Variants in PPIL6 observed in about 807,000 individuals in gnomAD.
PPIL6 encodes probable inactive peptidyl-prolyl cis-trans isomerase-like 6.
Under a neutral mutation model 36.8 loss-of-function variants are expected in PPIL6, and 39 were observed. The observed-to-expected ratio is 1.06, with a 90% CI of 0.82 to 1.38. PPIL6 has a LOEUF of 1.38. Ranked by LOEUF, PPIL6 falls within the 40% of genes most tolerant of loss-of-function variation. The probability of loss-of-function intolerance (pLI) is 0.00; values close to 1 mark genes in which losing one functional copy is unlikely to be tolerated. For missense variants in PPIL6, 368 were observed against 379.1 expected (o/e 0.97, Z 0.24); for synonymous variants, 123 against 134.1 (o/e 0.92, Z 0.57).
chr6:109,424,844 G>T (rs117763070), intron 5 of PPIL6, among the ~76,000 whole-genome samples: 58 of 152,296 alleles, frequency 3.8e-4, no homozygotes, highest in Non-Finnish European at 6.8e-4. Flanking sequence ...GTCTGAAAAA[G>T]GGAAGCATGA....
At chr6:109,393,993 C>T (rs1219992289) in intron 7 of PPIL6, among the ~76,000 whole-genome samples, 1 of 152,206 alleles carries the variant, frequency 6.6e-6, no homozygotes, top group Non-Finnish European at 1.5e-5. Context: ...TGCTTGTGCT[C>T]AGGCTCAGTG....
At chr6:109,422,639 G>A (rs767239803) in intron 5 of PPIL6, among the ~76,000 whole-genome samples, 3 of 151,946 alleles carry the variant, frequency 2.0e-5, no homozygotes, top group African/African-American at 4.8e-5. Flanking sequence ...TCCATTCAAA[G>A]TCACATAATA....
intron 5 of PPIL6, among the ~76,000 whole-genome samples, chr6:109,422,220 G>A (rs1314952017): frequency 3.3e-5 from 5 of 152,176 alleles, no homozygotes; most frequent in Admixed American, 6.5e-5. Flanking sequence ...GCATGTGCCC[G>A]TAATCCCTGC....
intron 5 of PPIL6, 69 bp from the exon 6 acceptor site, chr6:109,419,312 GA>G: frequency 9.1e-7 from 1 of 1,104,048 alleles, no homozygotes; most frequent in Non-Finnish European, 1.4e-6. Context: ...TAATGACAGG[GA>G]AAAAATTTTG....
At chr6:109,421,006 G>A (rs909187751) in intron 5 of PPIL6, among the ~76,000 whole-genome samples, 9 of 152,264 alleles carry the variant, frequency 5.9e-5, no homozygotes, top group South Asian at 4.1e-4. Flanking sequence ...GGCTGAATCT[G>A]GAAATGGGGA....
chr6:109,406,410 T>A (rs1246399048), intron 6 of PPIL6, among the ~76,000 whole-genome samples: 1 of 152,124 alleles, frequency 6.6e-6, no homozygotes, highest in African/African-American at 2.4e-5. Context: ...TGACTGTATT[T>A]CTTGCAAATC....
intron 5 of PPIL6, among the ~76,000 whole-genome samples, chr6:109,426,603 C>T (rs1773825442): frequency 6.6e-6 from 1 of 152,050 alleles, no homozygotes; most frequent in Admixed American, 6.6e-5. Flanking sequence ...ACCCTACTCT[C>T]CTATGTCATT....
chr6:109,429,871 A>T (rs1005741905), intron 3 of PPIL6, among the ~76,000 whole-genome samples: 2 of 152,160 alleles, frequency 1.3e-5, no homozygotes, highest in Non-Finnish European at 2.9e-5. Flanking sequence ...GCCTTCGATC[A>T]ATCAGAGGAG....
At chr6:109,441,108 G>C, upstream of PPIL6, 1 of 1,614,050 alleles carries the variant, frequency 6.2e-7, no homozygotes, top group Non-Finnish European at 8.5e-7. Flanking sequence ...TAGCGCCCCT[G>C]GAGCTCCCCA....
At chr6:109,411,773 G>T (rs1026003407) in intron 6 of PPIL6, among the ~76,000 whole-genome samples, 6 of 152,232 alleles carry the variant, frequency 3.9e-5, no homozygotes, top group Admixed American at 2.0e-4. Context: ...GAGAATGAAA[G>T]TGTCCTGCCT....
At chr6:109,440,870 C>T (rs1049766814), upstream of PPIL6, 4 of 538,554 alleles carry the variant, frequency 7.4e-6, no homozygotes, top group Non-Finnish European at 1.3e-5. Context: ...CTTACCGAGC[C>T]TGGGCGCCCG....
In PPIL6 at chr6:109,390,890, C is replaced by T. The variant is rs924204345; in HGVS notation, c.*1936G>A. The stretch of plus-strand genomic sequence containing the variant: ...AAATAAAAAGTTAAAAAAGCCTACG[C>T]CTACTTTTGGCAAGCCTCATATCCA... On this transcript the variant is annotated 3_prime_UTR_variant, in exon 8 of 8. Transcript: ENST00000521072. 1 of 152,158 alleles carries T rather than the reference C, an allele frequency of 6.6e-6. No homozygotes were observed. The highest frequency in any genetic ancestry group is 2.4e-5 in the African/African-American group (1 of 41,440). The allele number at this position is 152,158 out of a possible 1,614,324, so 9.4% of individuals were successfully genotyped here. A position where few individuals can be genotyped will look rare whatever the true frequency, so the allele number is the denominator to read the frequency against.
chr6:109,394,290 T>C (rs1004796759), intron 7 of PPIL6, among the ~76,000 whole-genome samples: 5 of 150,114 alleles, frequency 3.3e-5, no homozygotes, highest in African/African-American at 9.9e-5. Context: ...GGAGAATTGC[T>C]TCAACCCAGG....
intron 3 of PPIL6, among the ~76,000 whole-genome samples, chr6:109,427,748 T>C (rs912896173): frequency 3.3e-5 from 5 of 152,108 alleles, no homozygotes; most frequent in Admixed American, 2.0e-4. Context: ...TTAACCTATC[T>C]CACAGGAGTG....
At chr6:109,425,528 C>T (rs1773767591) in intron 5 of PPIL6, among the ~76,000 whole-genome samples, 3 of 152,130 alleles carry the variant, frequency 2.0e-5, no homozygotes, top group African/African-American at 7.2e-5. Context: ...GCGTGCGGAT[C>T]ACCTGAGGTC....
chr6:109,435,321 C>A (rs1380079070), intron 2 of PPIL6, among the ~76,000 whole-genome samples: 4 of 132,882 alleles, frequency 3.0e-5, no homozygotes, highest in African/African-American at 1.2e-4. Context: ...TTTTTGGAGA[C>A]AGAGTCTCAC....
At chr6:109,438,655 C>G (rs1392144589) in intron 1 of PPIL6, among the ~76,000 whole-genome samples, 1 of 151,926 alleles carries the variant, frequency 6.6e-6, no homozygotes, top group East Asian at 1.9e-4. Flanking sequence ...GTGGCACGAT[C>G]TCAGCTCACC....
chr6:109,420,051 T>C (rs1312257814), intron 5 of PPIL6, among the ~76,000 whole-genome samples: 5 of 151,706 alleles, frequency 3.3e-5, no homozygotes, highest in African/African-American at 9.7e-5. Flanking sequence ...GTATAAAAAA[T>C]AGAGCCAGGC....
At chr6:109,408,022 G>A (rs1263258948) in intron 6 of PPIL6, among the ~76,000 whole-genome samples, 1 of 152,144 alleles carries the variant, frequency 6.6e-6, no homozygotes, top group Non-Finnish European at 1.5e-5. Context: ...CACCAGTTGT[G>A]TGTCAAGGTC....
Sources: gnomAD v4.1 joint callset for allele counts (sites outside exome capture counted in the v4.1 genomes callset) on GRCh38, gnomAD v4.1.1 for gene constraint, MANE v1.5 for transcripts, NCBI Gene and HGNC (gene_info 2026-07-23, HGNC 2026-07-21) for gene names.